The following TTLL7 variants were observed in gnomAD, a reference collection of about 807,000 sequenced individuals.
The protein encoded by TTLL7 is tubulin tyrosine ligase like 7, also known as tubulin polyglutamylase TTLL7.
TTLL7 carries 53 observed loss-of-function variants against 120.2 expected under a neutral mutation model. The ratio of observed to expected loss-of-function variants is 0.44; its 90% confidence interval spans 0.35 to 0.55. The LOEUF (loss-of-function observed/expected upper bound fraction) is 0.55, where lower values mean the gene tolerates loss of function less well. Among genes scored for constraint, TTLL7 ranks in the 20% least tolerant of loss-of-function variants. The pLI is 0.00. For synonymous variants in TTLL7, 353 were observed against 351.7 expected, an observed-to-expected ratio of 1.00 and a Z score of -0.04; for missense variants, 803 against 1,054.7, an observed-to-expected ratio of 0.76 and a Z score of 3.31.
chr1:83,923,261 A>G (rs2100800613), intron 10 of TTLL7, among the ~76,000 whole-genome samples: 1 of 139,858 alleles, frequency 7.2e-6, no homozygotes, highest in East Asian at 2.0e-4. Flanking sequence ...ATCTAGAATG[A>G]TCATTTCTAT....
intron 1 of TTLL7, among the ~76,000 whole-genome samples, chr1:83,990,968 G>C (rs939881020): frequency 3.3e-5 from 5 of 152,188 alleles, no homozygotes; most frequent in African/African-American, 9.7e-5. Flanking sequence ...ATGATGAATG[G>C]ATAAACAAAT....
At chr1:83,989,723 A>G (rs1365191742) in intron 1 of TTLL7, among the ~76,000 whole-genome samples, 2 of 152,162 alleles carry the variant, frequency 1.3e-5, no homozygotes, top group Non-Finnish European at 2.9e-5. Flanking sequence ...TGACTTTGGT[A>G]GCTTGATAAG....
intron 1 of TTLL7, among the ~76,000 whole-genome samples, chr1:83,989,000 G>A (rs1473083551): frequency 2.0e-5 from 3 of 152,110 alleles, no homozygotes; most frequent in Admixed American, 6.5e-5. Flanking sequence ...GAGCCACCAC[G>A]CCTGGCCTTT....
At chr1:83,889,870 A>G in intron 19 of TTLL7, 1 of 456,150 alleles carries the variant, frequency 2.2e-6, no homozygotes. Flanking sequence ...TGTATGACTG[A>G]GAGAATAATA....
intron 1 of TTLL7, among the ~76,000 whole-genome samples, chr1:83,994,821 A>G (rs1653334834): frequency 6.6e-6 from 1 of 152,230 alleles, no homozygotes; most frequent in Non-Finnish European, 1.5e-5. Flanking sequence ...GTGAGCTCAC[A>G]GCTGTGCCTT....
chr1:83,998,661 C>G (rs1460597287), intron 1 of TTLL7, among the ~76,000 whole-genome samples: 1 of 148,392 alleles, frequency 6.7e-6, no homozygotes, highest in Non-Finnish European at 1.5e-5. Context: ...CCATCTGGAG[C>G]CTAAAAACTG....
intron 1 of TTLL7, among the ~76,000 whole-genome samples, chr1:83,959,394 T>A (rs1051449911): frequency 1.3e-5 from 2 of 152,200 alleles, no homozygotes; most frequent in African/African-American, 4.8e-5. Context: ...TGTGGGTGAC[T>A]TAGAAATCAC....
intron 19 of TTLL7, chr1:83,890,073 T>C: frequency 1.8e-6 from 1 of 558,168 alleles, no homozygotes; most frequent in Non-Finnish European, 3.4e-6. Context: ...GATATTGGTT[T>C]GTATTTTCTT....
intron 17 of TTLL7, among the ~76,000 whole-genome samples, chr1:83,905,453 G>C (rs1470948908): frequency 6.6e-6 from 1 of 150,784 alleles, no homozygotes; most frequent in African/African-American, 2.4e-5. Context: ...GCTAAAAAAC[G>C]AAAATGCCAA....
At chr1:83,956,003 A>C (rs1305061598) in intron 1 of TTLL7, among the ~76,000 whole-genome samples, 2 of 152,208 alleles carry the variant, frequency 1.3e-5, no homozygotes, top group Non-Finnish European at 2.9e-5. Flanking sequence ...TAAAAAACAA[A>C]CAACCAATCA....
chr1:83,878,314 A>T (rs1654120359), intron 20 of TTLL7, among the ~76,000 whole-genome samples: 1 of 151,848 alleles, frequency 6.6e-6, no homozygotes, highest in African/African-American at 2.4e-5. Flanking sequence ...TAAGTCTGTT[A>T]ATTTTGTTGT....
intron 20 of TTLL7, 200 bp downstream of exon 20, chr1:83,882,763 C>T (rs1654630539): frequency 4.1e-6 from 2 of 487,352 alleles, no homozygotes; most frequent in Non-Finnish European, 7.0e-6. Flanking sequence ...CCTTTAGGTT[C>T]GTGATTGCTG....
intron 13 of TTLL7, among the ~76,000 whole-genome samples, chr1:83,918,618 T>C (rs1207767535): frequency 3.3e-5 from 5 of 152,118 alleles, no homozygotes; most frequent in Admixed American, 2.6e-4. Flanking sequence ...CAGTACAATA[T>C]AGCCAAAAAG....
intron 14 of TTLL7, among the ~76,000 whole-genome samples, chr1:83,917,099 C>CAAAAAAA (rs540546625): frequency 1.2e-5 from 1 of 81,300 alleles, no homozygotes; most frequent in Non-Finnish European, 2.6e-5. Flanking sequence ...ACCCTGTTAT[C>CAAAAAAA]AAAAAAAAAA....
chr1:83,891,219 T>C (rs1335768826), intron 18 of TTLL7, among the ~76,000 whole-genome samples: 2 of 151,938 alleles, frequency 1.3e-5, no homozygotes, highest in African/African-American at 4.8e-5. Flanking sequence ...AAAACATATA[T>C]ATCCAGCAAA....
rs1214362247 is a variant in TTLL7, at chr1:83,892,505, AATGAACATATAT to A, written c.2209-2036_2209-2025del. 1.9e-4 allele frequency among the ~76,000 whole-genome samples: 13 copies of A among 68,834 alleles called. 1 individual carries two copies. Among genetic ancestry groups the A allele is most frequent in the Non-Finnish European group, 3.6e-4 (10 of 27,474 alleles). 45.2% of individuals were successfully genotyped at this position (68,834 alleles called of 152,430 possible). A position where few individuals can be genotyped will look rare whatever the true frequency, so the allele number is the denominator to read the frequency against. ...GAATGAACATATATATGAACATATG[AATGAACATATAT>A]ATGAACATATATATGAACATATGAA... is the stretch of plus-strand genomic sequence containing the variant. On this transcript the variant is annotated intron_variant, in intron 18 of 20. Coordinates refer to ENST00000260505, the MANE Select transcript of TTLL7 (RefSeq NM_024686.6).
In TTLL7 at chr1:83,890,454, G is replaced by A. The variant is rs371072730; in HGVS notation, c.2236C>T (p.Arg746Cys). The A allele has an allele frequency of 5.3e-5, 85 of 1,612,178 alleles. No homozygotes were observed. Among genetic ancestry groups the A allele is most frequent in the Middle Eastern group, 1.6e-4 (1 of 6,066 alleles). ...TTCCAGATGCGTGGAAGAACTGTAC[G>A]AATACTTGTTTTCACTATGTCCAAA... Reference protein sequence around the residue: ...KVLDIVKTSIRTVLPRIWKVP... With the variant: ...KVLDIVKTSICTVLPRIWKVP... The change falls in exon 19 of 21, where the codon CGT (arginine) becomes TGT (cysteine). Residue 746 changes from arginine (R) to cysteine (C), a missense_variant. Physicochemically the swap from Arg to Cys is radical, Grantham distance 180 (BLOSUM62 -3). Transcript: ENST00000260505.
At position 83,911,212 on chromosome 1, in the gene TTLL7, G is replaced by A; in HGVS notation, c.1739C>T (p.Thr580Ile). The A allele has an allele frequency of 1.2e-6, 2 of 1,613,180 alleles. No individual in the cohort carries two copies. Among genetic ancestry groups the A allele is most frequent in the Non-Finnish European group, 1.7e-6 (2 of 1,179,278 alleles). The change falls in exon 15 of 21, where the codon ACA becomes ATA. Residue 580 changes from threonine to isoleucine, a missense_variant. Physicochemically the swap from Thr to Ile is moderately conservative, Grantham distance 89. This residue lies in a region of TTLL7 where 388 missense variants were observed against 450.4 expected (regional missense o/e 0.86). Transcript: ENST00000260505. ...GTGGTTGGAGGGTTTAAGATTATAT[G>A]TAACTTGCTTTTCTCTTTTCTTATT... ...YQNKKREKQV[T>I]YNLKPSNHYK...
rs369773982 is a variant in TTLL7, at chr1:83,943,808, C to T, written c.507-1129G>A. Among the ~76,000 whole-genome samples, 46 of 152,178 alleles carry T rather than the reference C, an allele frequency of 3.0e-4. No individual in the cohort carries two copies. The South Asian group carries it at 5.2e-3, about 17-fold the overall frequency. ...AACTATCAATTAATAGAAACAGTTG[C>T]GAGGAAGCCCAGACATTGGGTTTAC... is the stretch of plus-strand genomic sequence containing the variant. On this transcript the variant is annotated intron_variant, in intron 6 of 20. Coordinates refer to ENST00000260505, the MANE Select transcript of TTLL7 (RefSeq NM_024686.6).
Sources: allele counts gnomAD v4.1 joint callset (sites outside exome capture counted in the v4.1 genomes callset), GRCh38; gene constraint gnomAD v4.1.1; regional missense constraint gnomAD v4.1.1; transcripts MANE v1.5; gene names NCBI Gene and HGNC (gene_info 2026-07-23, HGNC 2026-07-21).